Variants in CFDP1 observed in about 807,000 individuals in gnomAD.
CFDP1 encodes heterochromatin-stabilizing protein CFDP1.
In CFDP1, 31 loss-of-function variants were observed where a neutral mutation model predicts 40.1. The observed-to-expected ratio is 0.77, with a 90% confidence interval of 0.58 to 1.04. The LOEUF (loss-of-function observed/expected upper bound fraction) is 1.04. Ranked by LOEUF, CFDP1 falls within the 50% of genes least tolerant of loss-of-function variation. CFDP1 has a pLI of 0.00. For missense variants in CFDP1, 423 were observed against 343.4 expected (o/e 1.23, Z -1.83); for synonymous variants, 167 against 120.0 (o/e 1.39, Z -2.56).
At chr16:75,306,695 G>A (rs1477493315) in intron 5 of CFDP1, 1 of 152,178 alleles carries the variant, frequency 6.6e-6, no homozygotes. Flanking sequence ...AACTCTCAGG[G>A]TGGTGCACTG....
intron 1 of CFDP1, among the ~76,000 whole-genome samples, chr16:75,423,402 G>A (rs2079301669): frequency 1.3e-5 from 2 of 151,808 alleles, no homozygotes; most frequent in Admixed American, 6.6e-5. Flanking sequence ...TGAGCTGATT[G>A]CGCCACTGCA....
chr16:75,317,722 G>T (rs1597327233), intron 5 of CFDP1, among the ~76,000 whole-genome samples: 2 of 152,174 alleles, frequency 1.3e-5, no homozygotes, highest in Non-Finnish European at 2.9e-5. Context: ...GGAAGACACA[G>T]CTTATTTTCC....
At chr16:75,352,024 A>AG (rs2078616039) in intron 5 of CFDP1, among the ~76,000 whole-genome samples, 2 of 149,148 alleles carry the variant, frequency 1.3e-5, no homozygotes, top group East Asian at 2.0e-4. Flanking sequence ...AAAAAAAAAA[A>AG]AAAAAAAAAG....
At chr16:75,333,311 GAC>G (rs2151516187) in intron 5 of CFDP1, among the ~76,000 whole-genome samples, 1 of 151,326 alleles carries the variant, frequency 6.6e-6, no homozygotes, top group East Asian at 2.0e-4. Flanking sequence ...TTTTAGTAGA[GAC>G]GGGGTTTCAC....
intron 1 of CFDP1, 57 bp from the exon 2 acceptor site, chr16:75,414,752 G>A: frequency 8.5e-7 from 1 of 1,179,110 alleles, no homozygotes; most frequent in South Asian, 1.3e-5. Context: ...ATCAAGATGA[G>A]ACATTTTCAT....
chr16:75,361,538 ACCTGGGAGGCGGAGGTTG>A, intron 5 of CFDP1, among the ~76,000 whole-genome samples: 1 of 152,008 alleles, frequency 6.6e-6, no homozygotes, highest in Non-Finnish European at 1.5e-5. Context: ...AATCGCTTGA[ACCTGGGAGGCGGAGGTTG>A]CTGTGAGCTG....
At chr16:75,360,532 CT>C (rs1163853081) in intron 5 of CFDP1, among the ~76,000 whole-genome samples, 1 of 152,174 alleles carries the variant, frequency 6.6e-6, no homozygotes, top group Non-Finnish European at 1.5e-5. Context: ...AATACTACCC[CT>C]CTTCTTATAT....
intron 5 of CFDP1, among the ~76,000 whole-genome samples, chr16:75,388,135 G>T (rs1199322459): frequency 6.6e-6 from 1 of 152,192 alleles, no homozygotes; most frequent in Non-Finnish European, 1.5e-5. Context: ...CATCAACTAT[G>T]TAACTTCAAC....
chr16:75,384,015 C>A (rs796770795), intron 5 of CFDP1, among the ~76,000 whole-genome samples: 11 of 152,130 alleles, frequency 7.2e-5, no homozygotes, highest in African/African-American at 2.6e-4. Context: ...TTGACAAATA[C>A]ACAAAATAAT....
At chr16:75,301,943 G>T (rs537227924) in intron 6 of CFDP1, 1 of 152,648 alleles carries the variant, frequency 6.6e-6, no homozygotes, top group Non-Finnish European at 1.5e-5. Context: ...TGGAGATGTG[G>T]GGCTGGGCAC....
chr16:75,370,089 A>T (rs2078740673), intron 5 of CFDP1, among the ~76,000 whole-genome samples: 1 of 145,854 alleles, frequency 6.9e-6, no homozygotes, highest in Non-Finnish European at 1.5e-5. Context: ...TTTTTCTATT[A>T]TTTATTACTT....
intron 5 of CFDP1, among the ~76,000 whole-genome samples, chr16:75,377,417 T>C (rs2078809963): frequency 6.6e-6 from 1 of 152,248 alleles, no homozygotes; most frequent in Admixed American, 6.5e-5. Context: ...TTCAATTTAT[T>C]GACCAATCAC....
At chr16:75,367,650 G>C (rs541825432) in intron 5 of CFDP1, among the ~76,000 whole-genome samples, 1 of 151,622 alleles carries the variant, frequency 6.6e-6, no homozygotes, top group Non-Finnish European at 1.5e-5. Context: ...AAAATTAGCC[G>C]GTCGTGGTGG....
chr16:75,305,003 A>T (rs75278406), intron 6 of CFDP1, 21 bp downstream of exon 6: 16,633 of 1,611,874 alleles, frequency 0.01, 197 homozygotes, highest in African/African-American at 0.053. Context: ...TTTCCAAGGC[A>T]TAAAACCTAC....
At chr16:75,419,096 G>A (rs1307647677) in intron 1 of CFDP1, 2 of 394,028 alleles carry the variant, frequency 5.1e-6, no homozygotes, top group East Asian at 7.7e-5. Flanking sequence ...TAAGCAGGAC[G>A]CCGACTCATA....
chr16:75,372,942 C>T (rs1160641499), intron 5 of CFDP1, among the ~76,000 whole-genome samples: 4 of 152,160 alleles, frequency 2.6e-5, no homozygotes, highest in African/African-American at 4.8e-5. Flanking sequence ...GGGAAATTAA[C>T]TTTATCAACT....
chr16:75,352,883 T>G (rs922910185), intron 5 of CFDP1, among the ~76,000 whole-genome samples: 1 of 152,166 alleles, frequency 6.6e-6, no homozygotes, highest in East Asian at 1.9e-4. Context: ...TGTCCCAAAA[T>G]AAAACATCAC....
rs889641470 is a variant in CFDP1, at chr16:75,321,614, G to A, written c.651-16432C>T. ...ATGTTTTTCAGTTTCTGCCTCTAGT[G>A]ATAAGCGGAAAAGAGGGGTGAGGAA... On this transcript the variant is annotated intron_variant, in intron 5 of 6. Transcript: ENST00000283882. 9.2e-5 allele frequency among the ~76,000 whole-genome samples: 14 copies of A among 152,104 alleles called. No individual in the cohort carries two copies. In the East Asian group the frequency reaches 2.3e-3, roughly 25 times the overall value.
At chr16:75,413,670 C>CT (rs1208117932) in intron 2 of CFDP1, among the ~76,000 whole-genome samples, 1 of 151,250 alleles carries the variant, frequency 6.6e-6, no homozygotes, top group Non-Finnish European at 1.5e-5. Flanking sequence ...TATCTACATT[C>CT]TTTTTTCTTT....
Sources: gnomAD v4.1 joint callset for allele counts (sites outside exome capture counted in the v4.1 genomes callset) on GRCh38, gnomAD v4.1.1 for gene constraint, MANE v1.5 for transcripts, NCBI Gene and HGNC (gene_info 2026-07-23, HGNC 2026-07-21) for gene names.